The following GFRA2 variants were observed in gnomAD, a reference collection of about 807,000 sequenced individuals.
The protein encoded by GFRA2 is GDNF family receptor alpha 2, also known as GDNF family receptor alpha-2.
Under a neutral mutation model 48.3 loss-of-function variants are expected in GFRA2, and 17 were observed. The ratio of observed to expected loss-of-function variants is 0.35; its 90% CI spans 0.24 to 0.53. The LOEUF (loss-of-function observed/expected upper bound fraction) is 0.53, where lower values mean the gene tolerates loss of function less well. Ranked by LOEUF, GFRA2 falls within the 20% of genes least tolerant of loss-of-function variation. The pLI is 0.93. For synonymous variants in GFRA2, 305 were observed against 257.2 expected (o/e 1.19, Z -1.78); for missense variants, 660 against 637.3 (o/e 1.04, Z -0.38).
chr8:21,774,822 G>A (rs1806615226), intron 3 of GFRA2, 150 bp downstream of exon 3: 2 of 597,650 alleles, frequency 3.3e-6, no homozygotes, highest in South Asian at 4.4e-5. Context: ...TTACAGAGGA[G>A]GAACTGAGGC....
intron 4 of GFRA2, among the ~76,000 whole-genome samples, chr8:21,749,140 C>A (rs1373748133): frequency 1.3e-5 from 2 of 151,294 alleles, no homozygotes; most frequent in African/African-American, 4.9e-5. Context: ...AACAGAGTCT[C>A]AATAAATACT....
chr8:21,780,001 C>T (rs1806895889), intron 2 of GFRA2, among the ~76,000 whole-genome samples: 1 of 151,758 alleles, frequency 6.6e-6, no homozygotes, highest in Non-Finnish European at 1.5e-5. Flanking sequence ...TTCATGGCAA[C>T]ATCGCCATCA....
In GFRA2 at chr8:21,788,210, AT is replaced by A. The variant is rs1359783898; in HGVS notation, c.-52del. ...GTCTTTCTCCCTTGGGTAAAAAAAAATAATAGTAGTAACAACAACAATAATA... is the reference window on the plus strand; with the variant it reads ...GTCTTTCTCCCTTGGGTAAAAAAAAAAATAGTAGTAACAACAACAATAATA... On this transcript the variant is annotated 5_prime_UTR_variant, in exon 1 of 9. Coordinates refer to ENST00000524240, the MANE Select transcript of GFRA2 (RefSeq NM_001495.5). 2.2e-4 allele frequency: 346 copies of A among 1,590,976 alleles called. 1 individual carries two copies. The African/African-American group carries it at 3.9e-3, about 18-fold the overall frequency.
intron 3 of GFRA2, among the ~76,000 whole-genome samples, chr8:21,753,718 T>C (rs1439066945): frequency 6.6e-6 from 1 of 152,276 alleles, no homozygotes; most frequent in Non-Finnish European, 1.5e-5. Flanking sequence ...TGATCTATGA[T>C]GTTAAACAAA....
intron 4 of GFRA2, among the ~76,000 whole-genome samples, chr8:21,726,535 C>T (rs922877456): frequency 1.3e-5 from 2 of 152,168 alleles, no homozygotes; most frequent in Non-Finnish European, 2.9e-5. Flanking sequence ...TCTGAAGGCT[C>T]CAAGGAGGGG....
At chr8:21,711,584 C>G (rs1360718766) in intron 4 of GFRA2, among the ~76,000 whole-genome samples, 1 of 152,174 alleles carries the variant, frequency 6.6e-6, no homozygotes, top group Non-Finnish European at 1.5e-5. Context: ...CCATATTAAA[C>G]GAAGAACGTG....
chr8:21,714,013 C>T (rs1337981074), intron 4 of GFRA2, among the ~76,000 whole-genome samples: 1 of 152,198 alleles, frequency 6.6e-6, no homozygotes, highest in African/African-American at 2.4e-5. Flanking sequence ...CAAACACACA[C>T]ACACCTATCG....
intron 3 of GFRA2, among the ~76,000 whole-genome samples, chr8:21,752,930 C>G (rs1037224316): frequency 2.6e-5 from 4 of 152,192 alleles, no homozygotes; most frequent in Non-Finnish European, 5.9e-5. Context: ...CTGCTGCCAC[C>G]TGGATCTGAG....
At chr8:21,705,733 T>C (rs1273267471) in intron 5 of GFRA2, among the ~76,000 whole-genome samples, 199 bp downstream of exon 5, 2 of 152,188 alleles carry the variant, frequency 1.3e-5, no homozygotes, top group African/African-American at 2.4e-5. Context: ...CCTTCCCCCA[T>C]GATAAAGAGC....
intron 7 of GFRA2, among the ~76,000 whole-genome samples, chr8:21,695,843 C>T (rs1043894822): frequency 2.0e-5 from 3 of 152,186 alleles, no homozygotes; most frequent in African/African-American, 7.2e-5. Flanking sequence ...AATCCTTGCT[C>T]AGTCACCTCA....
At chr8:21,759,228 A>C (rs1463734930) in intron 3 of GFRA2, among the ~76,000 whole-genome samples, 1 of 151,972 alleles carries the variant, frequency 6.6e-6, no homozygotes, top group Non-Finnish European at 1.5e-5. Context: ...TCTACTAAAA[A>C]CACAAAAATG....
chr8:21,734,682 C>T (rs1185337391), intron 4 of GFRA2, among the ~76,000 whole-genome samples: 3 of 152,218 alleles, frequency 2.0e-5, no homozygotes, highest in African/African-American at 4.8e-5. Context: ...CCCAGGGAGG[C>T]GAGACTTGAC....
intron 4 of GFRA2, among the ~76,000 whole-genome samples, chr8:21,747,370 CCCT>C (rs1385164177): frequency 6.6e-6 from 1 of 152,186 alleles, no homozygotes; most frequent in East Asian, 1.9e-4. Context: ...CACATCTGCT[CCCT>C]CCTCCTCTCT....
chr8:21,711,529 A>G (rs543275807), intron 4 of GFRA2, among the ~76,000 whole-genome samples: 288 of 150,284 alleles, frequency 1.9e-3, no homozygotes, highest in African/African-American at 6.8e-3. Flanking sequence ...AGCAGGAGAC[A>G]GAGAGAGAGA....
intron 4 of GFRA2, among the ~76,000 whole-genome samples, chr8:21,726,874 TC>T (rs965674615): frequency 2.0e-5 from 3 of 150,032 alleles, no homozygotes; most frequent in African/African-American, 7.4e-5. Flanking sequence ...TGCCTCAGCC[TC>T]CCAAGTAGCT....
chr8:21,728,907 T>C (rs1451256727), intron 4 of GFRA2, among the ~76,000 whole-genome samples: 1 of 152,214 alleles, frequency 6.6e-6, no homozygotes, highest in Admixed American at 6.5e-5. Flanking sequence ...TTAGTACTAC[T>C]GGATGGAGGG....
intron 4 of GFRA2, among the ~76,000 whole-genome samples, chr8:21,732,922 G>A (rs1398667083): frequency 6.6e-6 from 1 of 152,160 alleles, no homozygotes; most frequent in Admixed American, 6.5e-5. Context: ...AAAGCCAGAG[G>A]CCAGTCACCC....
chr8:21,700,476 C>T (rs1356580653), intron 7 of GFRA2, among the ~76,000 whole-genome samples: 1 of 152,186 alleles, frequency 6.6e-6, no homozygotes, highest in African/African-American at 2.4e-5. Flanking sequence ...CTGAACAGCC[C>T]CACTCCCACC....
chr8:21,761,043 C>T (rs1233366651), intron 3 of GFRA2, among the ~76,000 whole-genome samples: 1 of 152,068 alleles, frequency 6.6e-6, no homozygotes. Context: ...AGGGAGGGTC[C>T]AGGAGCAGAG....
Sources: gnomAD v4.1 joint callset for allele counts (sites outside exome capture counted in the v4.1 genomes callset) on GRCh38, gnomAD v4.1.1 for gene constraint, MANE v1.5 for transcripts, NCBI Gene and HGNC (gene_info 2026-07-23, HGNC 2026-07-21) for gene names.